C4orf36: variants seen among roughly 807,000 people sequenced by gnomAD.
C4orf36 encodes the protein uncharacterized protein C4orf36.
A neutral mutation model predicts 12.2 loss-of-function variants in C4orf36; 11 were observed. The ratio of observed to expected loss-of-function variants is 0.90; its 90% CI spans 0.57 to 1.49. The LOEUF is 1.49. C4orf36 is among the 40% of genes most tolerant of loss of function. The probability of loss-of-function intolerance (pLI) is 0.00; values close to 1 mark genes in which losing one functional copy is unlikely to be tolerated. For missense variants in C4orf36, 137 were observed against 133.9 expected, an observed-to-expected ratio of 1.02 and a Z score of -0.11; for synonymous variants, 54 against 51.3, an observed-to-expected ratio of 1.05 and a Z score of -0.22.
chr4:86,926,783 ATTG>A, the C4orf36 span, among the ~76,000 whole-genome samples: 1 of 152,046 alleles, frequency 6.6e-6, no homozygotes, highest in South Asian at 2.1e-4. Flanking sequence ...TGTTTATGTT[ATTG>A]TTGTCACATG....
chr4:86,914,460 G>A, the C4orf36 span: 2 of 583,976 alleles, frequency 3.4e-6, no homozygotes, highest in South Asian at 4.0e-5. Flanking sequence ...GAGTGCAGTG[G>A]CACGATCTCA....
the C4orf36 span, chr4:86,913,821 T>G: frequency 1.2e-6 from 1 of 843,230 alleles, no homozygotes; most frequent in Non-Finnish European, 1.8e-6. Flanking sequence ...TGGCTTTTCA[T>G]CCACTTTTTT....
chr4:86,897,695 C>T, the C4orf36 span, among the ~76,000 whole-genome samples: 61 of 152,328 alleles, frequency 4.0e-4, no homozygotes, highest in African/African-American at 1.5e-3. Context: ...AAGTCACAAT[C>T]TCCAGGTGCC....
chr4:86,876,516 G>C lies in C4orf36; in HGVS notation c.*3-73C>G, dbSNP rs1746932546. On this transcript the variant is annotated intron_variant, in intron 4 of 4. Transcript: ENST00000295898. ...TGAGGTAGAAAAAATGAAAAGATTA[G>C]AAATGTCGGATTGTGTGAAGCTATT... 7 of 1,613,822 alleles carry C rather than the reference G, an allele frequency of 4.3e-6. No individual in the cohort carries two copies. In the Admixed American group the frequency reaches 1.2e-4, roughly 27 times the overall value.
the C4orf36 span, among the ~76,000 whole-genome samples, chr4:86,926,729 A>C: frequency 6.6e-6 from 1 of 151,996 alleles, no homozygotes; most frequent in African/African-American, 2.4e-5. Flanking sequence ...TACTTACGTT[A>C]TTGCTGTCAG....
chr4:86,904,998 G>A, the C4orf36 span, among the ~76,000 whole-genome samples: 2 of 152,146 alleles, frequency 1.3e-5, no homozygotes, highest in Non-Finnish European at 2.9e-5. Flanking sequence ...CATTTTGAGA[G>A]GCTGAGGTGG....
chr4:86,894,199 T>C (rs1304752525), upstream of C4orf36, among the ~76,000 whole-genome samples: 2 of 152,164 alleles, frequency 1.3e-5, no homozygotes, highest in African/African-American at 4.8e-5. Context: ...GCCCGGTCTT[T>C]GGCCGGAATT....
intron 4 of C4orf36, chr4:86,886,716 G>T (rs1747186087): frequency 6.6e-6 from 1 of 152,092 alleles, no homozygotes. Flanking sequence ...AATTCCTCAG[G>T]GATCTAGAAC....
chr4:86,913,190 G>A, the C4orf36 span: 169 of 388,552 alleles, frequency 4.3e-4, 2 homozygotes, highest in African/African-American at 3.0e-3. Context: ...CCTTGCCATC[G>A]TGCCACAGCA....
the C4orf36 span, among the ~76,000 whole-genome samples, chr4:86,899,018 G>A: frequency 6.6e-6 from 1 of 152,070 alleles, no homozygotes; most frequent in Admixed American, 6.6e-5. Flanking sequence ...TTGAGCCCAG[G>A]AGGTCAAGGC....
At chr4:86,914,256 C>T in the C4orf36 span, 30 of 1,602,570 alleles carry the variant, frequency 1.9e-5, no homozygotes, top group Non-Finnish European at 8.5e-7. Flanking sequence ...TTTCTGACTC[C>T]AGACATAGGC....
At chr4:86,918,343 C>G in the C4orf36 span, among the ~76,000 whole-genome samples, 1 of 152,176 alleles carries the variant, frequency 6.6e-6, no homozygotes, top group African/African-American at 2.4e-5. Context: ...AATCAGAGAC[C>G]GTGATGTAGT....
At chr4:86,891,973 C>T in intron 1 of C4orf36, 1 of 996,342 alleles carries the variant, frequency 1.0e-6, no homozygotes, top group Non-Finnish European at 1.2e-6. Flanking sequence ...TTGAGCAGAG[C>T]AATCCTTCCC....
At chr4:86,909,891 CT>C in the C4orf36 span, among the ~76,000 whole-genome samples, 5 of 46,020 alleles carry the variant, frequency 1.1e-4, no homozygotes, top group Admixed American at 3.2e-4. Context: ...CAGAGGAAGA[CT>C]TAAAAAAAAA....
the C4orf36 span, among the ~76,000 whole-genome samples, chr4:86,928,801 T>C: frequency 6.6e-6 from 1 of 152,254 alleles, no homozygotes; most frequent in South Asian, 2.1e-4. Context: ...GACCTGTGGA[T>C]ATTTAACTCC....
the C4orf36 span, among the ~76,000 whole-genome samples, chr4:86,900,078 C>G: frequency 6.6e-6 from 1 of 152,032 alleles, no homozygotes; most frequent in East Asian, 1.9e-4. Flanking sequence ...CTCTGCCGCC[C>G]AGGCTGGAGT....
intron 4 of C4orf36, among the ~76,000 whole-genome samples, chr4:86,877,459 C>T (rs1746951587): frequency 6.6e-6 from 1 of 152,218 alleles, no homozygotes; most frequent in Non-Finnish European, 1.5e-5. Context: ...GGGAATGTTT[C>T]TGGTTGGCAG....
At chr4:86,908,742 T>C in the C4orf36 span, among the ~76,000 whole-genome samples, 2 of 151,952 alleles carry the variant, frequency 1.3e-5, no homozygotes, top group African/African-American at 2.4e-5. Flanking sequence ...ACTTCTGGGA[T>C]AGCAAACAAG....
At chr4:86,935,992 G>C in the C4orf36 span, 1 of 152,230 alleles carries the variant, frequency 6.6e-6, no homozygotes, top group Admixed American at 6.5e-5. Flanking sequence ...CGTTACCTTA[G>C]TGTAATGGTA....
Sources: gnomAD v4.1 joint callset for allele counts (sites outside exome capture counted in the v4.1 genomes callset) on GRCh38, gnomAD v4.1.1 for gene constraint, MANE v1.5 for transcripts, NCBI Gene and HGNC (gene_info 2026-07-23, HGNC 2026-07-21) for gene names.